CACNA1G: variants seen among roughly 807,000 people sequenced by gnomAD.
The protein encoded by CACNA1G is calcium voltage-gated channel subunit alpha1 G, also known as voltage-dependent T-type calcium channel subunit alpha-1G.
Under a neutral mutation model 219.4 loss-of-function variants are expected in CACNA1G, and 67 were observed. The observed-to-expected ratio is 0.31, with a 90% CI of 0.25 to 0.37. The LOEUF (loss-of-function observed/expected upper bound fraction) is 0.37. CACNA1G is among the 10% of genes least tolerant of loss of function. The pLI is 1.00. For synonymous variants in CACNA1G, 1,296 were observed against 1,345.3 expected (o/e 0.96, Z 0.80); for missense variants, 2,380 against 3,231.4 (o/e 0.74, Z 6.39).
chr17:50,581,577 A>C (rs2041974909), intron 9 of CACNA1G, among the ~76,000 whole-genome samples: 1 of 152,064 alleles, frequency 6.6e-6, no homozygotes, highest in African/African-American at 2.4e-5. Context: ...CTCCTGACTG[A>C]GGAAGCACCT....
intron 9 of CACNA1G, among the ~76,000 whole-genome samples, chr17:50,581,335 G>A (rs141800812): frequency 3.3e-5 from 5 of 152,070 alleles, no homozygotes; most frequent in South Asian, 2.1e-4. Context: ...GGAGGCTCAC[G>A]GCTTCCCTGC....
intron 1 of CACNA1G, among the ~76,000 whole-genome samples, 155 bp from the exon 2 acceptor site, chr17:50,568,715 C>A (rs1371509164): frequency 6.6e-6 from 1 of 152,110 alleles, no homozygotes; most frequent in Admixed American, 6.5e-5. Context: ...GAGTCTGGGG[C>A]TGGGGGCTGG....
In CACNA1G at chr17:50,623,819, GCTGCTGCTTT is replaced by G. The variant is rs1361729500; in HGVS notation, c.6061-84_6061-75del. On this transcript the variant is annotated intron_variant, in intron 35 of 37. Coordinates refer to ENST00000359106, the MANE Select transcript of CACNA1G (RefSeq NM_018896.5). ...CGGGGGTGAGGGCTGGGCGGGGGGC[GCTGCTGCTTT>G]CTGTTGTCAGCGCTGCCTCAGTTAC... 2.9e-6 allele frequency: 4 copies of G among 1,383,612 alleles called. No individual in the cohort carries two copies. In the East Asian group the frequency reaches 7.5e-5, roughly 26 times the overall value. 85.7% of individuals were successfully genotyped at this position (1,383,612 alleles called of 1,614,324 possible). A position where few individuals can be genotyped will look rare whatever the true frequency, so the allele number is the denominator to read the frequency against.
At position 50,572,674 on chromosome 17, in the gene CACNA1G, C is replaced by T. The variant is rs60600513; in HGVS notation, c.867C>T (p.Arg289=). Reference sequence around the variant, plus strand: ...CCTGCAGAAGCGTGCCCACGCTGCGCGGGGACGGGGGCGGTGGCCCACCTT... The same window carrying T: ...CCTGCAGAAGCGTGCCCACGCTGCGTGGGGACGGGGGCGGTGGCCCACCTT... ...MRSCRSVPTL[R]GDGGGGPPCG... is the part of the protein sequence containing the mutation. The change falls in exon 6 of 38, where the codon CGC becomes CGT. Residue 289 remains arginine, a synonymous_variant. Transcript: ENST00000359106. 8.0e-5 allele frequency: 129 copies of T among 1,611,360 alleles called. No individual in the cohort carries two copies. In the African/African-American group the frequency reaches 1.4e-3, roughly 17 times the overall value.
rs929277452 is a variant in CACNA1G, at chr17:50,600,145, A to G, written c.3690+286A>G. Among the ~76,000 whole-genome samples, 4 of 152,118 alleles carry G rather than the reference A, an allele frequency of 2.6e-5. No homozygotes were observed. Among genetic ancestry groups the G allele is most frequent in the African/African-American group, 9.7e-5 (4 of 41,424 alleles). ...TTTCATGGCCCTCCCCCTGTGACTC[A>G]GAAAGACCCATCACTCATCTCTCCA... is the stretch of plus-strand genomic sequence containing the variant. On this transcript the variant is annotated intron_variant, in intron 17 of 37. Transcript: ENST00000359106. This position sits in a 1 kb window ranked among gnomAD's most constrained non-coding sequence, Gnocchi z 4.1.
intron 7 of CACNA1G, among the ~76,000 whole-genome samples, chr17:50,575,314 A>G (rs958104495): frequency 3.9e-5 from 6 of 152,154 alleles, no homozygotes; most frequent in Non-Finnish European, 7.3e-5. Context: ...GAATTAGCTG[A>G]GTGATCTTGG....
At chr17:50,567,902 C>T (rs1479093334) in intron 1 of CACNA1G, among the ~76,000 whole-genome samples, 1 of 152,098 alleles carries the variant, frequency 6.6e-6, no homozygotes, top group East Asian at 1.9e-4. Flanking sequence ...CTCCTGCTTG[C>T]TGTTTTGGCT....
rs886928902 is a variant in CACNA1G, at chr17:50,601,264, C to G, written c.3915+90C>G. 14 of 1,496,944 alleles carry G rather than the reference C, an allele frequency of 9.4e-6. No individual in the cohort carries two copies. The South Asian group carries it at 1.7e-4, about 18-fold the overall frequency. 92.7% of individuals were successfully genotyped at this position (1,496,944 alleles called of 1,614,324 possible). ...AGGCAAGGAGGCCACAGTTGCTGAC[C>G]TGCAAGTCACACAGCAGGGAACGAG... On this transcript the variant is annotated intron_variant, in intron 19 of 37. Coordinates refer to ENST00000359106, the MANE Select transcript of CACNA1G (RefSeq NM_018896.5).
rs754946186 is a variant in CACNA1G at position 50,590,670 on chromosome 17, G to A, written c.2453+48G>A. On this transcript the variant is annotated intron_variant, in intron 10 of 37. Transcript: ENST00000359106. ...ACTCTCAGTTGAGGAATGGTAGCAG[G>A]GGTGGCTTGGGGCCAGGGGCCATGC... The A allele has an allele frequency of 7.5e-5, 118 of 1,580,324 alleles. 1 individual carries two copies. In the South Asian group the frequency reaches 9.8e-4, roughly 13 times the overall value.
intron 4 of CACNA1G, among the ~76,000 whole-genome samples, 186 bp downstream of exon 4, chr17:50,569,989 C>T (rs2039001155): frequency 6.6e-6 from 1 of 152,126 alleles, no homozygotes; most frequent in Non-Finnish European, 1.5e-5. Context: ...ATGGGAGTTA[C>T]CTGGGAAAAC....
At chr17:50,602,318 A>G (rs1405339805) in intron 19 of CACNA1G, among the ~76,000 whole-genome samples, 1 of 152,158 alleles carries the variant, frequency 6.6e-6, no homozygotes, top group Non-Finnish European at 1.5e-5. Flanking sequence ...AGGGAACTAG[A>G]TGGCCTTCCT....
intron 23 of CACNA1G, 178 bp downstream of exon 23, chr17:50,606,201 C>A: frequency 1.1e-6 from 1 of 919,204 alleles, no homozygotes; most frequent in Non-Finnish European, 1.8e-6. Context: ...CCACAGTGCC[C>A]CAAAAAGTGG....
chr17:50,615,616 T>A (rs534394403), intron 27 of CACNA1G, 104 bp downstream of exon 27: 2 of 1,286,528 alleles, frequency 1.6e-6, no homozygotes, highest in South Asian at 2.9e-5. Flanking sequence ...GCCAAGCAAG[T>A]GCTAGGCACA....
Position 50,621,741 on chromosome 17 carries a change from G to A in CACNA1G, c.6007G>A (p.Asp2003Asn). Residue 2003 changes from aspartate to asparagine, a missense_variant, in exon 35 of 38, where the codon GAC becomes AAC. Coordinates refer to ENST00000359106, the MANE Select transcript of CACNA1G (RefSeq NM_018896.5). The surrounding 1 kb of genome is among the most constrained non-coding windows in gnomAD (Gnocchi z 4.6). ...EPSCSLALTD[D>N]SLPDDMHTLL... ...GTCCTGCTCTCTAGCTCTGACGGAT[G>A]ACTCTTTGCCTGATGACATGCACAC... The A allele has an allele frequency of 1.2e-6, 2 of 1,613,998 alleles. No individual in the cohort carries two copies. The highest frequency in any genetic ancestry group is 1.7e-6 in the Non-Finnish European group (2 of 1,179,876).
rs180709084 is a variant in CACNA1G at position 50,610,548 on chromosome 17, G to T, written c.4759+613G>T. ...GCCATGTCTCTGGGAAGACTCTCCT[G>T]GTCCAGCCCACCCTCCATGGTCCCT... On this transcript the variant is annotated intron_variant, in intron 26 of 37. Transcript: ENST00000359106. Among the ~76,000 whole-genome samples, 15 of 152,212 alleles carry T rather than the reference G, an allele frequency of 9.9e-5. No individual in the cohort carries two copies. The East Asian group carries it at 2.5e-3, about 25-fold the overall frequency.
In CACNA1G at chr17:50,605,563, GAGA is replaced by G. The variant is rs534492365; in HGVS notation, c.4297-331_4297-329del. ...GATTCAGCAGATCTGGGCTGGACCT[GAGA>G]AGATGTGTTTCTAGCATGTTCCCAG... On this transcript the variant is annotated intron_variant, in intron 22 of 37. Coordinates refer to ENST00000359106, the MANE Select transcript of CACNA1G (RefSeq NM_018896.5). 5.3e-5 allele frequency among the ~76,000 whole-genome samples: 8 copies of G among 152,340 alleles called. No individual in the cohort carries two copies. In the South Asian group the frequency reaches 8.3e-4, roughly 16 times the overall value.
chr17:50,576,073 C>T lies in CACNA1G; in HGVS notation c.1671C>T (p.Tyr557=). ...GCGCAGAGTCTGTGCACAGCTTCTA[C>T]CATGCCGACTGCCACTTAGAGCCAG... is the stretch of plus-strand genomic sequence containing the variant. The part of the protein sequence containing the change: ...PGGAESVHSF[Y]HADCHLEPVR... Residue 557 remains tyrosine, a synonymous_variant, in exon 8 of 38, where the codon TAC becomes TAT. Transcript: ENST00000359106. 1.3e-6 allele frequency: 2 copies of T among 1,586,954 alleles called. No individual in the cohort carries two copies. The highest frequency in any genetic ancestry group is 1.7e-6 in the Non-Finnish European group (2 of 1,167,932).
chr17:50,599,654 G>T lies in CACNA1G; in HGVS notation c.3485G>T (p.Gly1162Val). 1 of 1,613,062 alleles carries T rather than the reference G, an allele frequency of 6.2e-7. No individual in the cohort carries two copies. Among genetic ancestry groups the T allele is most frequent in the Non-Finnish European group, 8.5e-7 (1 of 1,179,518 alleles). Residue 1162 changes from glycine (G) to valine (V), a missense_variant, in exon 17 of 38, where the codon GGG becomes GTG. Physicochemically the swap from Gly to Val is moderately radical, Grantham distance 109 (BLOSUM62 -3). Coordinates refer to ENST00000359106, the MANE Select transcript of CACNA1G (RefSeq NM_018896.5). ...SPAGSDHRHR[G>V]SLEREAKSSF... ...GCGGGCAGTGACCATCGCCACAGGG[G>T]GTCCCTGGAGCGGGAGGCCAAGAGT...
intron 9 of CACNA1G, among the ~76,000 whole-genome samples, chr17:50,589,609 T>G (rs1208083899): frequency 6.6e-6 from 1 of 152,012 alleles, no homozygotes; most frequent in Non-Finnish European, 1.5e-5. Context: ...ACAGGGTTCG[T>G]CATTCGTCCT....
Sources: allele counts gnomAD v4.1 joint callset (sites outside exome capture counted in the v4.1 genomes callset), GRCh38; gene constraint gnomAD v4.1.1; non-coding constraint Gnocchi (gnomAD v3.1); transcripts MANE v1.5; gene names NCBI Gene and HGNC (gene_info 2026-07-23, HGNC 2026-07-21).